Variants in RPH3AL observed in about 807,000 individuals in gnomAD.
The protein encoded by RPH3AL is rabphilin 3A like (without C2 domains).
Under a neutral mutation model 43.1 loss-of-function variants are expected in RPH3AL, and 38 were observed. That is an observed-to-expected ratio of 0.88 (90% CI 0.68 to 1.15). The LOEUF is 1.15. Ranked by LOEUF, RPH3AL falls within the 50% of genes most tolerant of loss-of-function variation. The pLI is 0.00. For missense variants in RPH3AL, 462 were observed against 423.2 expected, an observed-to-expected ratio of 1.09 and a Z score of -0.81; for synonymous variants, 189 against 176.3, an observed-to-expected ratio of 1.07 and a Z score of -0.57.
rs944927389 is a variant in RPH3AL, at chr17:344,729, T to C, written c.-213+7983A>G. Among the ~76,000 whole-genome samples the C allele has an allele frequency of 6.7e-5, 9 of 134,514 alleles. 1 individual carries two copies. The highest frequency in any genetic ancestry group is 1.8e-4 in the African/African-American group (7 of 39,342). 88.2% of individuals were successfully genotyped at this position (134,514 alleles called of 152,430 possible). A position where few individuals can be genotyped will look rare whatever the true frequency, so the allele number is the denominator to read the frequency against. On this transcript the variant is annotated intron_variant, in intron 1 of 9. Transcript: ENST00000331302. ...ACCATCACTATAATCATCACCATCA[T>C]TGTCAATCACCATCACCATCATCAC...
intron 3 of RPH3AL, among the ~76,000 whole-genome samples, chr17:325,583 C>T (rs905238049): frequency 2.0e-5 from 3 of 152,232 alleles, no homozygotes; most frequent in Non-Finnish European, 4.4e-5. Flanking sequence ...AGCACACTCT[C>T]AGCCCCTCCT....
rs2040700201 is a variant in RPH3AL, at chr17:212,410, C to T, written c.*1442G>A. ...CGGCTTAGGAAGGGTTCCAGCAAGT[C>T]AACGCACCACAGTTTTTTCCATTTT... On this transcript the variant is annotated 3_prime_UTR_variant, in exon 10 of 10. Coordinates refer to ENST00000331302, the MANE Select transcript of RPH3AL (RefSeq NM_006987.4). 6.6e-6 allele frequency: 1 copy of T among 152,160 alleles called. No homozygotes were observed. Among genetic ancestry groups the T allele is most frequent in the Admixed American group, 6.5e-5 (1 of 15,280 alleles). The allele number at this position is 152,160 out of a possible 1,614,324, so 9.4% of individuals were successfully genotyped here. A position where few individuals can be genotyped will look rare whatever the true frequency, so the allele number is the denominator to read the frequency against.
rs191869903 is a variant in RPH3AL, at chr17:344,071, C to T, written c.-213+8641G>A. On this transcript the variant is annotated intron_variant, in intron 1 of 9. Transcript: ENST00000331302. ...TCATCATCGTCACCACTGTCATCAT[C>T]GTCATCACTATCACCATCATTGTCA... is the stretch of plus-strand genomic sequence containing the variant. 1.9e-4 allele frequency among the ~76,000 whole-genome samples: 25 copies of T among 134,650 alleles called. 4 individuals carry two copies. The highest frequency in any genetic ancestry group is 8.5e-3 in the Middle Eastern group (2 of 234). The allele number at this position is 134,650 out of a possible 152,430, so 88.3% of individuals were successfully genotyped here.
chr17:232,344 C>T (rs1190954431), intron 7 of RPH3AL, among the ~76,000 whole-genome samples: 1 of 152,230 alleles, frequency 6.6e-6, no homozygotes, highest in Non-Finnish European at 1.5e-5. Flanking sequence ...GCGCCCAGGA[C>T]AGCCTGCAAT....
chr17:238,208 A>G (rs1033146620), intron 7 of RPH3AL, among the ~76,000 whole-genome samples: 2 of 151,588 alleles, frequency 1.3e-5, no homozygotes, highest in African/African-American at 4.9e-5. Flanking sequence ...AGAGAAAGGA[A>G]GAGGAAGGAA....
intron 6 of RPH3AL, among the ~76,000 whole-genome samples, chr17:270,392 C>T (rs1041601159): frequency 4.6e-5 from 7 of 152,194 alleles, no homozygotes; most frequent in Non-Finnish European, 7.4e-5. Flanking sequence ...TCGGCTAGCA[C>T]GGCCAGTTCC....
At position 274,146 on chromosome 17, in the gene RPH3AL, C is replaced by T. The variant is rs1018978415; in HGVS notation, c.438+7622G>A. Among the ~76,000 whole-genome samples the T allele has an allele frequency of 1.3e-5, 2 of 152,260 alleles. No homozygotes were observed. Among genetic ancestry groups the T allele is most frequent in the Non-Finnish European group, 1.5e-5 (1 of 68,046 alleles). On this transcript the variant is annotated intron_variant, in intron 6 of 9. Coordinates refer to ENST00000331302, the MANE Select transcript of RPH3AL (RefSeq NM_006987.4). The surrounding 1 kb of genome is among the most constrained non-coding windows in gnomAD (Gnocchi z 4.7). ...AAATGAATTTCTGGTTTGCAACATC[C>T]TGTGCTTAGAAGCCGCCAGGGCCGT...
chr17:253,467 C>A lies in RPH3AL; in HGVS notation c.439-6182G>T, dbSNP rs560396484. The stretch of plus-strand genomic sequence containing the variant: ...GAGCTGCTCCTTTGCGGCACCGGAC[C>A]ACGGTTTTGGCCTCCGGGTATGCGC... On this transcript the variant is annotated intron_variant, in intron 6 of 9. Transcript: ENST00000331302. Among the ~76,000 whole-genome samples, 13 of 152,276 alleles carry A rather than the reference C, an allele frequency of 8.5e-5. No homozygotes were observed. In the South Asian group the frequency reaches 2.5e-3, roughly 29 times the overall value.
chr17:308,517 G>A (rs941387930), intron 5 of RPH3AL, among the ~76,000 whole-genome samples: 9 of 152,272 alleles, frequency 5.9e-5, no homozygotes, highest in African/African-American at 1.9e-4. Flanking sequence ...CTGCAGCATT[G>A]TTCACAATAG....
In RPH3AL at chr17:215,152, C is replaced by G. The variant is rs565537303; in HGVS notation, c.876+502G>C. ...GGCTTCTTTCTTGAAGGAGACAGGG[C>G]TGATCCTGCACCTGCGCAGTTTTCT... On this transcript the variant is annotated intron_variant, in intron 9 of 9. Transcript: ENST00000331302. This position sits in a 1 kb window ranked among gnomAD's most constrained non-coding sequence, Gnocchi z 4.1. Among the ~76,000 whole-genome samples, 1 of 152,316 alleles carries G rather than the reference C, an allele frequency of 6.6e-6. No homozygotes were observed. Among genetic ancestry groups the G allele is most frequent in the South Asian group, 2.1e-4 (1 of 4,824 alleles).
chr17:313,505 C>T (rs9909590), intron 5 of RPH3AL, among the ~76,000 whole-genome samples: 12,987 of 152,206 alleles, frequency 0.085, 623 homozygotes, highest in Non-Finnish European at 0.11. Flanking sequence ...TTCCCTCTGC[C>T]GGGAACACTG....
chr17:216,877 G>A (rs1346672042), intron 8 of RPH3AL, among the ~76,000 whole-genome samples: 2 of 152,164 alleles, frequency 1.3e-5, no homozygotes. Context: ...GAGGGGGGTG[G>A]TGGTACGTGT....
chr17:325,323 T>C (rs893905295), intron 3 of RPH3AL, among the ~76,000 whole-genome samples: 6 of 152,046 alleles, frequency 3.9e-5, no homozygotes, highest in Non-Finnish European at 7.4e-5. Context: ...AAACCCTCCA[T>C]CTCCCCTCCG....
At chr17:253,731 A>G (rs75503685) in intron 6 of RPH3AL, among the ~76,000 whole-genome samples, 4,249 of 52,566 alleles carry the variant, frequency 0.081, 420 homozygotes, top group African/African-American at 0.12. Context: ...GTCCTTTTCC[A>G]TCCCTAGGAA....
intron 3 of RPH3AL, among the ~76,000 whole-genome samples, chr17:325,566 T>G (rs529844738): frequency 6.6e-6 from 1 of 152,170 alleles, no homozygotes; most frequent in Non-Finnish European, 1.5e-5. Context: ...TGGGTCCCAG[T>G]GTAGGCAGCA....
intron 2 of RPH3AL, among the ~76,000 whole-genome samples, chr17:329,346 A>G (rs528284251): frequency 2.0e-5 from 3 of 151,992 alleles, no homozygotes; most frequent in Admixed American, 6.5e-5. Flanking sequence ...TGTGGTGGCG[A>G]GTGCCTGTAA....
chr17:231,222 C>G (rs759907266), intron 7 of RPH3AL, among the ~76,000 whole-genome samples: 2 of 152,210 alleles, frequency 1.3e-5, no homozygotes, highest in Non-Finnish European at 2.9e-5. Flanking sequence ...CTTTCTTGGC[C>G]TCTGGGTTTG....
chr17:306,295 G>A (rs1040709116), intron 5 of RPH3AL: 1 of 151,802 alleles, frequency 6.6e-6, no homozygotes, highest in African/African-American at 2.4e-5. Context: ...TCCCACCCCA[G>A]ACCAGCCCTC....
At chr17:281,105 T>A (rs185277960) in intron 6 of RPH3AL, among the ~76,000 whole-genome samples, 3 of 152,198 alleles carry the variant, frequency 2.0e-5, no homozygotes, top group East Asian at 1.9e-4. Context: ...TCCCTGCCCA[T>A]CTGCTACTCC....
Sources: allele counts gnomAD v4.1 joint callset (sites outside exome capture counted in the v4.1 genomes callset), GRCh38; gene constraint gnomAD v4.1.1; non-coding constraint Gnocchi (gnomAD v3.1); transcripts MANE v1.5; gene names NCBI Gene and HGNC (gene_info 2026-07-23, HGNC 2026-07-21).